The following FOCAD variants were observed in gnomAD, a reference collection of about 807,000 sequenced individuals.
FOCAD encodes the protein KIAA1797.
FOCAD carries 198 observed loss-of-function variants against 225.6 expected under a neutral mutation model. The observed-to-expected ratio is 0.88, with a 90% confidence interval of 0.78 to 0.99. The LOEUF (loss-of-function observed/expected upper bound fraction) is 0.99, where lower values mean the gene tolerates loss of function less well. FOCAD is among the 50% of genes least tolerant of loss of function. The pLI is 0.00. For missense variants in FOCAD, 2,713 were observed against 2,123.6 expected (o/e 1.28, Z -5.46); for synonymous variants, 897 against 755.0 (o/e 1.19, Z -3.08).
chr9:20,878,281 C>CA (rs1172829976), intron 19 of FOCAD, among the ~76,000 whole-genome samples: 2 of 152,240 alleles, frequency 1.3e-5, no homozygotes, highest in African/African-American at 2.4e-5. Context: ...AATAATTTGG[C>CA]AGGGGAGATT....
Position 20,988,334 on chromosome 9 carries a change from G to T in FOCAD, c.4909G>T (p.Val1637Phe), listed in dbSNP as rs755671239. The T allele has an allele frequency of 1.3e-6, 2 of 1,596,728 alleles. No individual in the cohort carries two copies. The highest frequency in any genetic ancestry group is 1.7e-6 in the Non-Finnish European group (2 of 1,168,764). The change falls in exon 41 of 44, where the codon GTT becomes TTT. Residue 1637 changes from valine to phenylalanine, a missense_variant and splice_region_variant. Coordinates refer to ENST00000338382, the MANE Select transcript of FOCAD (RefSeq NM_001375567.1). ...AGAAAATACCCTTTTCATTTCAGGC[G>T]TTTTGAAGAGAATGGAGTGGCTCTT... ...ARIVSHANTGVLKRMEWLLEL... is the reference protein window; with the variant it reads ...ARIVSHANTGFLKRMEWLLEL...
chr9:20,711,891 T>C (rs952637372), intron 1 of FOCAD, among the ~76,000 whole-genome samples: 8 of 152,092 alleles, frequency 5.3e-5, no homozygotes, highest in African/African-American at 1.9e-4. Flanking sequence ...AAGATAGCAC[T>C]CGAGGAGCAG....
chr9:20,958,204 G>C (rs1388181185), intron 35 of FOCAD, among the ~76,000 whole-genome samples: 1 of 151,980 alleles, frequency 6.6e-6, no homozygotes, highest in Non-Finnish European at 1.5e-5. Context: ...ACAATATAAA[G>C]AATAAATTCC....
intron 15 of FOCAD, 39 bp from the exon 16 acceptor site, chr9:20,862,538 GA>G: frequency 6.2e-7 from 1 of 1,600,154 alleles, no homozygotes; most frequent in Non-Finnish European, 8.5e-7. Flanking sequence ...ATATAGGTTG[GA>G]GTCTTGTTAG....
intron 5 of FOCAD, among the ~76,000 whole-genome samples, chr9:20,749,109 T>C (rs557997849): frequency 6.6e-6 from 1 of 152,226 alleles, no homozygotes; most frequent in Admixed American, 6.6e-5. Flanking sequence ...CCCCAACCAA[T>C]TACTTTGTAC....
intron 15 of FOCAD, among the ~76,000 whole-genome samples, chr9:20,838,220 G>C (rs1321106235): frequency 2.0e-5 from 3 of 151,860 alleles, no homozygotes; most frequent in African/African-American, 7.2e-5. Context: ...TTCATGTTTT[G>C]AGTATACATT....
At chr9:20,873,192 G>C (rs1263017522) in intron 18 of FOCAD, among the ~76,000 whole-genome samples, 3 of 152,068 alleles carry the variant, frequency 2.0e-5, no homozygotes, top group Non-Finnish European at 4.4e-5. Flanking sequence ...ACCTAGGAGT[G>C]AAACTCCTAG....
intron 1 of FOCAD, among the ~76,000 whole-genome samples, chr9:20,714,185 G>A (rs910450765): frequency 4.0e-5 from 6 of 151,888 alleles, no homozygotes; most frequent in Non-Finnish European, 7.4e-5. Context: ...ACTTTAAACC[G>A]GTTGAAAATC....
chr9:20,951,491 T>G (rs1488896514), intron 34 of FOCAD, among the ~76,000 whole-genome samples: 3 of 152,190 alleles, frequency 2.0e-5, no homozygotes, highest in Non-Finnish European at 1.5e-5. Context: ...ACCAGGTCCT[T>G]AAAGCTTGGA....
chr9:20,947,711 A>G (rs1408379491), intron 30 of FOCAD, among the ~76,000 whole-genome samples: 1 of 152,218 alleles, frequency 6.6e-6, no homozygotes, highest in South Asian at 2.1e-4. Flanking sequence ...CACATGCTAT[A>G]GAATTTCCCC....
At chr9:20,712,514 C>T (rs1301337808) in intron 1 of FOCAD, among the ~76,000 whole-genome samples, 1 of 128,700 alleles carries the variant, frequency 7.8e-6, no homozygotes, top group Non-Finnish European at 1.7e-5. Flanking sequence ...CAAAAATTAG[C>T]TGAGCCCAGT....
rs182965197 is a variant in FOCAD, at chr9:20,761,412, C to T, written c.494+3221C>T. On this transcript the variant is annotated intron_variant, in intron 6 of 43. Coordinates refer to ENST00000338382, the MANE Select transcript of FOCAD (RefSeq NM_001375567.1). ...AGTGGTGGAGTTGGGCCTAAAGCCT[C>T]CGTTATTTTTATTTTTATTTTTTTT... Among the ~76,000 whole-genome samples, 206 of 151,778 alleles carry T rather than the reference C, an allele frequency of 1.4e-3. 3 individuals are homozygous for T. The highest frequency in any genetic ancestry group is 4.9e-3 in the African/African-American group (201 of 41,394).
At chr9:20,770,405 C>A (rs540507044) in intron 8 of FOCAD, among the ~76,000 whole-genome samples, 167 bp downstream of exon 8, 1 of 152,164 alleles carries the variant, frequency 6.6e-6, no homozygotes, top group Non-Finnish European at 1.5e-5. Flanking sequence ...AGGAAACTTA[C>A]AATCATGGTG....
intron 21 of FOCAD, among the ~76,000 whole-genome samples, chr9:20,890,993 T>C (rs1831566330): frequency 6.6e-6 from 1 of 152,140 alleles, no homozygotes; most frequent in Non-Finnish European, 1.5e-5. Flanking sequence ...CTAGGCACCA[T>C]TTTTCCAATA....
chr9:20,757,415 G>C (rs891669316), intron 5 of FOCAD, among the ~76,000 whole-genome samples: 1 of 151,648 alleles, frequency 6.6e-6, no homozygotes, highest in Non-Finnish European at 1.5e-5. Context: ...CCCATTCTTT[G>C]AGAATCCTTC....
chr9:20,902,129 C>T (rs1016675405), intron 21 of FOCAD, among the ~76,000 whole-genome samples: 18 of 151,842 alleles, frequency 1.2e-4, no homozygotes, highest in African/African-American at 3.9e-4. Context: ...ATGTGCAAGA[C>T]ACTGTTATGG....
chr9:20,824,382 C>T (rs535462640), intron 15 of FOCAD, among the ~76,000 whole-genome samples: 2 of 152,154 alleles, frequency 1.3e-5, no homozygotes, highest in African/African-American at 4.8e-5. Flanking sequence ...TTTTTCCTAA[C>T]AGGCATCAAC....
chr9:20,670,010 A>G (rs1464480063), intron 2 of FOCAD, among the ~76,000 whole-genome samples: 1 of 152,176 alleles, frequency 6.6e-6, no homozygotes, highest in Non-Finnish European at 1.5e-5. Context: ...TAAAATTAAA[A>G]GTCATTTAAA....
At chr9:20,804,760 A>ATTG (rs1297889668) in intron 11 of FOCAD, among the ~76,000 whole-genome samples, 2 of 151,850 alleles carry the variant, frequency 1.3e-5, no homozygotes, top group East Asian at 3.9e-4. Context: ...TGGTCTTTCA[A>ATTG]CTGCTGGAAT....
Sources: allele counts gnomAD v4.1 joint callset (sites outside exome capture counted in the v4.1 genomes callset), GRCh38; gene constraint gnomAD v4.1.1; transcripts MANE v1.5; gene names NCBI Gene and HGNC (gene_info 2026-07-23, HGNC 2026-07-21).